RAC1: variants seen among roughly 807,000 people sequenced by gnomAD.
The protein encoded by RAC1 is Rac family small GTPase 1.
RAC1 carries 2 observed loss-of-function variants against 25.2 expected under a neutral mutation model. The ratio of observed to expected loss-of-function variants is 0.08; its 90% CI spans 0.03 to 0.25. The LOEUF is 0.25. Among genes scored for constraint, RAC1 ranks in the 10% least tolerant of loss-of-function variants. The pLI is 1.00. For synonymous variants in RAC1, 88 were observed against 94.0 expected (o/e 0.94, Z 0.37); for missense variants, 50 against 235.7 (o/e 0.21, Z 5.16).
Position 6,403,299 on chromosome 7 carries a change from T to A in RAC1, c.*853T>A, listed in dbSNP as rs1330094777. On this transcript the variant is annotated 3_prime_UTR_variant, in exon 6 of 6. Coordinates refer to ENST00000348035, the MANE Select transcript of RAC1 (RefSeq NM_006908.5). The stretch of plus-strand genomic sequence containing the variant: ...AAGAAAGGTTGGTATTATCAGGAAA[T>A]GTTTTCTTAAGCTTTTCCTTTCTCT... The A allele has an allele frequency of 1.9e-5, 4 of 211,382 alleles. No homozygotes were observed. The East Asian group carries it at 2.9e-4, about 15-fold the overall frequency. 13.1% of individuals were successfully genotyped at this position (211,382 alleles called of 1,614,324 possible). A position where few individuals can be genotyped will look rare whatever the true frequency, so the allele number is the denominator to read the frequency against.
intron 1 of RAC1, among the ~76,000 whole-genome samples, chr7:6,377,911 T>G (rs1022623717): frequency 6.6e-6 from 1 of 152,018 alleles, no homozygotes; most frequent in Non-Finnish European, 1.5e-5. Flanking sequence ...TTTTTTTGTT[T>G]GTTTGTTTTT....
At chr7:6,401,823 C>A (rs760416389) in intron 4 of RAC1, 45 bp from the exon 5 acceptor site, 1 of 1,573,482 alleles carries the variant, frequency 6.4e-7, no homozygotes, top group Admixed American at 1.8e-5. Flanking sequence ...TGAAGGACAT[C>A]TGTAAAGGAG....
At position 6,383,198 on chromosome 7, in the gene RAC1, G is replaced by C. The variant is rs35266813; in HGVS notation, c.36-4014G>C. ...TCAGTCAAGACTTGTGGCCAAATAC[G>C]GCTTCCATTCTTCATGAGGGAAAGG... is the stretch of plus-strand genomic sequence containing the variant. On this transcript the variant is annotated intron_variant, in intron 1 of 5. Transcript: ENST00000348035. Among the ~76,000 whole-genome samples, 125 of 152,224 alleles carry C rather than the reference G, an allele frequency of 8.2e-4. 2 individuals are homozygous for C. The South Asian group carries it at 0.023, about 28-fold the overall frequency.
At chr7:6,386,778 G>T (rs1583262246) in intron 1 of RAC1, among the ~76,000 whole-genome samples, 1 of 131,394 alleles carries the variant, frequency 7.6e-6, no homozygotes, top group Non-Finnish European at 1.6e-5. Context: ...GACAGCACGA[G>T]ACTCGGTCTC....
chr7:6,397,109 C>T (rs1397911770), intron 3 of RAC1, among the ~76,000 whole-genome samples: 7 of 139,530 alleles, frequency 5.0e-5, no homozygotes, highest in South Asian at 2.3e-4. Context: ...GGCGCAGTGG[C>T]GGATACCTGT....
At chr7:6,396,167 G>A (rs745359312) in intron 3 of RAC1, among the ~76,000 whole-genome samples, 2 of 152,246 alleles carry the variant, frequency 1.3e-5, no homozygotes, top group Non-Finnish European at 2.9e-5. Context: ...GGTGACCGGA[G>A]ACAGCCTGAG....
At chr7:6,396,010 C>T (rs780007930) in intron 3 of RAC1, among the ~76,000 whole-genome samples, 1 of 152,282 alleles carries the variant, frequency 6.6e-6, no homozygotes, top group Admixed American at 6.5e-5. Context: ...AAGAGCAGCC[C>T]TGGCTACACT....
chr7:6,390,096 C>CCT lies in RAC1; in HGVS notation c.108-1828_108-1827insCT, dbSNP rs1554263519. Among the ~76,000 whole-genome samples the CCT allele has an allele frequency of 7.9e-3, 592 of 74,936 alleles. 32 individuals carry two copies. In the East Asian group the frequency reaches 0.1, roughly 13 times the overall value. 49.2% of individuals were successfully genotyped at this position (74,936 alleles called of 152,430 possible). A position where few individuals can be genotyped will look rare whatever the true frequency, so the allele number is the denominator to read the frequency against. On this transcript the variant is annotated intron_variant, in intron 2 of 5. Coordinates refer to ENST00000348035, the MANE Select transcript of RAC1 (RefSeq NM_006908.5). The stretch of plus-strand genomic sequence containing the variant: ...CCTCCCTTGCTCCCTCCCTCCCTCC[C>CCT]TTTTTTTTTTTTTTTTTTTTTGAGA...
intron 4 of RAC1, among the ~76,000 whole-genome samples, chr7:6,401,164 C>T (rs1783390361): frequency 6.6e-6 from 1 of 152,144 alleles, no homozygotes; most frequent in Non-Finnish European, 1.5e-5. Flanking sequence ...CCATGTTTGC[C>T]AGGCTGGTCT....
In RAC1 at chr7:6,399,253, C is replaced by T. The variant is rs35362558; in HGVS notation, c.226-873C>T. On this transcript the variant is annotated intron_variant, in intron 3 of 5. Coordinates refer to ENST00000348035, the MANE Select transcript of RAC1 (RefSeq NM_006908.5). ...TAAAAAGCTGTTGTGTGGGATGTTTCTTTCCCTTTCAGGTACAAGGTATCA... is the reference window on the plus strand; with the variant it reads ...TAAAAAGCTGTTGTGTGGGATGTTTTTTTCCCTTTCAGGTACAAGGTATCA... 1.9e-3 allele frequency among the ~76,000 whole-genome samples: 296 copies of T among 152,346 alleles called. 1 individual carries two copies. The highest frequency in any genetic ancestry group is 6.8e-3 in the African/African-American group (282 of 41,580).
At chr7:6,376,176 CTTTTT>C (rs747387468) in intron 1 of RAC1, among the ~76,000 whole-genome samples, 44 of 65,510 alleles carry the variant, frequency 6.7e-4, no homozygotes, top group African/African-American at 1.1e-3. Flanking sequence ...GCTATTCAGG[CTTTTT>C]TTTTTTTTTT....
chr7:6,394,399 C>G (rs764610939), intron 3 of RAC1, among the ~76,000 whole-genome samples: 7 of 152,186 alleles, frequency 4.6e-5, no homozygotes, highest in Non-Finnish European at 8.8e-5. Context: ...TCTTCAGTTG[C>G]TATGCACAGA....
intron 3 of RAC1, 115 bp downstream of exon 3, chr7:6,392,156 A>G: frequency 6.5e-7 from 1 of 1,544,846 alleles, no homozygotes; most frequent in Non-Finnish European, 8.8e-7. Flanking sequence ...GGTATTGAGT[A>G]AATAGCAAAC....
In RAC1 at chr7:6,383,784, CTTTTTTTTTTTTT is replaced by C. The variant is rs34847745; in HGVS notation, c.36-3405_36-3393del. On this transcript the variant is annotated intron_variant, in intron 1 of 5. Transcript: ENST00000348035. ...GTTAAGGTTTTTACACAACCTTTAT[CTTTTTTTTTTTTT>C]TTTTTTTTTTTTTTTTTTTTTTGAG... 5.4e-3 allele frequency among the ~76,000 whole-genome samples: 216 copies of C among 39,806 alleles called. 1 individual carries two copies. The highest frequency in any genetic ancestry group is 0.05 in the Middle Eastern group (2 of 40). 26.1% of individuals were successfully genotyped at this position (39,806 alleles called of 152,430 possible). A position where few individuals can be genotyped will look rare whatever the true frequency, so the allele number is the denominator to read the frequency against.
intron 1 of RAC1, among the ~76,000 whole-genome samples, chr7:6,375,707 A>C (rs1259078301): frequency 1.3e-5 from 2 of 151,602 alleles, no homozygotes; most frequent in Non-Finnish European, 2.9e-5. Flanking sequence ...GGTCATTGAC[A>C]AAAAAACTGT....
chr7:6,384,733 C>G (rs1036127570), intron 1 of RAC1, among the ~76,000 whole-genome samples: 6 of 150,768 alleles, frequency 4.0e-5, no homozygotes, highest in African/African-American at 1.5e-4. Flanking sequence ...GGCCCCTGTG[C>G]TGGGATTATA....
intron 3 of RAC1, 41 bp downstream of exon 3, chr7:6,392,082 T>C: frequency 1.2e-6 from 2 of 1,611,668 alleles, no homozygotes; most frequent in African/African-American, 2.7e-5. Context: ...TTTTAGAGTA[T>C]ATAATTCTCG....
Position 6,394,786 on chromosome 7 carries a change from C to G in RAC1, c.225+2745C>G, listed in dbSNP as rs531749004. Among the ~76,000 whole-genome samples, 46 of 151,638 alleles carry G rather than the reference C, an allele frequency of 3.0e-4. No homozygotes were observed. The South Asian group carries it at 7.9e-3, about 26-fold the overall frequency. On this transcript the variant is annotated intron_variant, in intron 3 of 5. Transcript: ENST00000348035. ...ACCTCCGCTTCCCAGGTTCAAGTGA[C>G]TTTCCCGCCCTAGTCTCTCAAGTAG...
intron 3 of RAC1, among the ~76,000 whole-genome samples, chr7:6,396,401 T>C (rs773986043): frequency 6.6e-6 from 1 of 152,010 alleles, no homozygotes; most frequent in Non-Finnish European, 1.5e-5. Context: ...AGACAGGGTT[T>C]TGGGAAGCTA....
Sources: gnomAD v4.1 joint callset for allele counts (sites outside exome capture counted in the v4.1 genomes callset) on GRCh38, gnomAD v4.1.1 for gene constraint, MANE v1.5 for transcripts, NCBI Gene and HGNC (gene_info 2026-07-23, HGNC 2026-07-21) for gene names.